The following RALB variants were observed in gnomAD, a reference collection of about 807,000 sequenced individuals.
RALB encodes the protein RAS like proto-oncogene B, also known as ras-related protein Ral-B.
RALB carries 16 observed loss-of-function variants against 21.3 expected under a neutral mutation model. The ratio of observed to expected loss-of-function variants is 0.75; its 90% confidence interval spans 0.51 to 1.14. The LOEUF is 1.14. Ranked by LOEUF, RALB falls within the 50% of genes most tolerant of loss-of-function variation. The probability of loss-of-function intolerance (pLI) is 0.00; values close to 1 mark genes in which losing one functional copy is unlikely to be tolerated. For synonymous variants in RALB, 93 were observed against 96.1 expected (o/e 0.97, Z 0.19); for missense variants, 161 against 256.2 (o/e 0.63, Z 2.54).
intron 1 of RALB, among the ~76,000 whole-genome samples, chr2:120,269,354 A>G (rs1244783094): frequency 1.3e-5 from 2 of 152,216 alleles, no homozygotes; most frequent in East Asian, 3.8e-4. Context: ...AGTGAACAGC[A>G]GTAAGATTTA....
chr2:120,255,197 C>A (rs1053209367), intron 1 of RALB, among the ~76,000 whole-genome samples: 1 of 152,174 alleles, frequency 6.6e-6, no homozygotes, highest in African/African-American at 2.4e-5. Context: ...ATACAGGAGT[C>A]CCACTTTTCC....
At chr2:120,285,218 A>G (rs1041904465) in intron 2 of RALB, among the ~76,000 whole-genome samples, 2 of 152,162 alleles carry the variant, frequency 1.3e-5, no homozygotes, top group Non-Finnish European at 2.9e-5. Flanking sequence ...TTATGAAACC[A>G]TCAGGTCCTG....
chr2:120,264,594 G>A (rs1689453436), intron 1 of RALB, among the ~76,000 whole-genome samples: 1 of 152,276 alleles, frequency 6.6e-6, no homozygotes, highest in South Asian at 2.1e-4. Flanking sequence ...AAAAATTCTG[G>A]TAAAATGTAC....
intron 3 of RALB, among the ~76,000 whole-genome samples, chr2:120,287,804 A>G (rs1311960023): frequency 1.3e-5 from 2 of 152,274 alleles, no homozygotes; most frequent in East Asian, 3.8e-4. Context: ...ATGAATACCT[A>G]AAACCAGAAA....
At chr2:120,268,979 G>A (rs945700671) in intron 1 of RALB, among the ~76,000 whole-genome samples, 11 of 152,092 alleles carry the variant, frequency 7.2e-5, no homozygotes, top group African/African-American at 1.2e-4. Flanking sequence ...TTTTCTGCAC[G>A]TTTCTGATAG....
At chr2:120,271,176 G>A (rs777980988) in intron 1 of RALB, among the ~76,000 whole-genome samples, 44 of 152,100 alleles carry the variant, frequency 2.9e-4, no homozygotes, top group Non-Finnish European at 5.4e-4. Context: ...TGACTATATT[G>A]GCCTATGGGA....
upstream of RALB, among the ~76,000 whole-genome samples, chr2:120,250,925 T>A (rs1206583521): frequency 3.3e-5 from 5 of 152,216 alleles, no homozygotes; most frequent in Admixed American, 3.3e-4. Flanking sequence ...GAATAGATGA[T>A]CCTGCTGGAG....
intron 1 of RALB, among the ~76,000 whole-genome samples, chr2:120,268,474 A>G (rs2104610071): frequency 6.6e-6 from 1 of 152,316 alleles, no homozygotes; most frequent in South Asian, 2.1e-4. Context: ...CTACCTTGTC[A>G]CCATCAGTCA....
intron 2 of RALB, among the ~76,000 whole-genome samples, chr2:120,285,570 T>TAAA (rs9308778): frequency 1.2e-4 from 18 of 151,518 alleles, no homozygotes; most frequent in Non-Finnish European, 7.4e-5. Context: ...AAAGTATAAT[T>TAAA]AAAAAAGAAT....
intron 1 of RALB, among the ~76,000 whole-genome samples, chr2:120,241,034 T>G (rs1420260760): frequency 1.3e-5 from 2 of 152,132 alleles, no homozygotes; most frequent in Non-Finnish European, 2.9e-5. Flanking sequence ...TGTCACGGGG[T>G]GTGCGTTTGT....
chr2:120,277,809 G>T (rs1413664636), intron 1 of RALB, among the ~76,000 whole-genome samples: 1 of 151,178 alleles, frequency 6.6e-6, no homozygotes, highest in Admixed American at 6.6e-5. Context: ...GTGTGAGAGC[G>T]TGTGAGAGCA....
chr2:120,281,614 C>T (rs1689991334), intron 2 of RALB, among the ~76,000 whole-genome samples: 2 of 152,132 alleles, frequency 1.3e-5, no homozygotes, highest in African/African-American at 2.4e-5. Context: ...TGTTTGGTAC[C>T]TGCTTTTCTT....
At chr2:120,268,854 G>C (rs982454460) in intron 1 of RALB, among the ~76,000 whole-genome samples, 8 of 152,066 alleles carry the variant, frequency 5.3e-5, no homozygotes, top group African/African-American at 1.9e-4. Flanking sequence ...GGAAAGGAAA[G>C]AAAAGAAGGA....
chr2:120,268,696 T>A (rs57885114), intron 1 of RALB, among the ~76,000 whole-genome samples: 4,845 of 152,232 alleles, frequency 0.032, 135 homozygotes, highest in East Asian at 0.073. Flanking sequence ...TAAGATCCAC[T>A]CAGTGTTCAG....
intron 1 of RALB, among the ~76,000 whole-genome samples, chr2:120,258,005 C>T (rs1308958927): frequency 1.3e-5 from 2 of 152,222 alleles, no homozygotes; most frequent in Non-Finnish European, 2.9e-5. Context: ...TCCTCATGTG[C>T]ATTGTTGTCT....
At chr2:120,245,068 C>T (rs554768753) in intron 1 of RALB, among the ~76,000 whole-genome samples, 44 of 152,322 alleles carry the variant, frequency 2.9e-4, no homozygotes, top group Admixed American at 1.9e-3. Context: ...CTTCGAGCCA[C>T]GCTTATCTGG....
chr2:120,293,304 G>A lies in RALB; in HGVS notation c.*44G>A, dbSNP rs761227996. 3.3e-5 allele frequency: 51 copies of A among 1,554,464 alleles called. 1 individual carries two copies. The African/African-American group carries it at 4.3e-4, about 13-fold the overall frequency. On this transcript the variant is annotated 3_prime_UTR_variant, in exon 5 of 5. Coordinates refer to ENST00000272519, the MANE Select transcript of RALB (RefSeq NM_002881.3). ...AAGCCAGCTGCTCCTAAGGACACAG[G>A]GCTGGGTTGGTAAAGAGAAGGCTAT...
chr2:120,260,249 G>A (rs959896504), intron 1 of RALB, among the ~76,000 whole-genome samples: 1 of 152,256 alleles, frequency 6.6e-6, no homozygotes, highest in Non-Finnish European at 1.5e-5. Context: ...CAAAGTGGGA[G>A]CCCAGGCAGG....
At chr2:120,265,307 A>G (rs1214831160) in intron 1 of RALB, among the ~76,000 whole-genome samples, 1 of 152,230 alleles carries the variant, frequency 6.6e-6, no homozygotes, top group African/African-American at 2.4e-5. Flanking sequence ...GGCAGTTGTA[A>G]CACAATGGGG....
Sources: gnomAD v4.1 joint callset for allele counts (sites outside exome capture counted in the v4.1 genomes callset) on GRCh38, gnomAD v4.1.1 for gene constraint, MANE v1.5 for transcripts, NCBI Gene and HGNC (gene_info 2026-07-23, HGNC 2026-07-21) for gene names.